FRMD6: variants seen among roughly 807,000 people sequenced by gnomAD.
FRMD6 encodes the protein FERM domain-containing protein 6.
In FRMD6, 37 loss-of-function variants were observed where a neutral mutation model predicts 73.2. The observed-to-expected ratio is 0.51, with a 90% CI of 0.39 to 0.66. The LOEUF (loss-of-function observed/expected upper bound fraction) is 0.66. FRMD6 is among the 30% of genes least tolerant of loss of function. The probability of loss-of-function intolerance (pLI) is 0.00; values close to 1 mark genes in which losing one functional copy is unlikely to be tolerated. For missense variants in FRMD6, 714 were observed against 780.5 expected, an observed-to-expected ratio of 0.91 and a Z score of 1.02; for synonymous variants, 273 against 282.2, an observed-to-expected ratio of 0.97 and a Z score of 0.33.
At chr14:51,678,157 A>G (rs952768577) in intron 1 of FRMD6, among the ~76,000 whole-genome samples, 1 of 152,178 alleles carries the variant, frequency 6.6e-6, no homozygotes, top group Non-Finnish European at 1.5e-5. Flanking sequence ...CATTTTATAG[A>G]TACGGAAGCT....
intron 2 of FRMD6, among the ~76,000 whole-genome samples, chr14:51,646,442 G>A (rs1447322437): frequency 6.6e-6 from 1 of 151,652 alleles, no homozygotes; most frequent in Non-Finnish European, 1.5e-5. Flanking sequence ...ATCAGAGCGT[G>A]CCTGAGACAT....
chr14:51,620,497 A>G (rs1204311257), intron 2 of FRMD6, among the ~76,000 whole-genome samples: 3 of 152,040 alleles, frequency 2.0e-5, no homozygotes, highest in Non-Finnish European at 4.4e-5. Context: ...GTGGAAAAGG[A>G]TAAATGGGCC....
chr14:51,494,277 A>T (rs560859877), intron 1 of FRMD6, among the ~76,000 whole-genome samples: 4 of 152,316 alleles, frequency 2.6e-5, no homozygotes, highest in African/African-American at 9.6e-5. Flanking sequence ...GAGATTTAAG[A>T]TATGATTCAT....
chr14:51,518,369 G>T (rs1047959845), intron 1 of FRMD6, among the ~76,000 whole-genome samples: 3 of 152,124 alleles, frequency 2.0e-5, no homozygotes, highest in African/African-American at 7.2e-5. Context: ...TTCTCTAAGG[G>T]CAGCGAAAAA....
At chr14:51,638,632 G>A (rs1163962183) in intron 2 of FRMD6, among the ~76,000 whole-genome samples, 3 of 152,176 alleles carry the variant, frequency 2.0e-5, no homozygotes, top group Non-Finnish European at 4.4e-5. Flanking sequence ...CCTTTATACT[G>A]AGTGTATGGC....
chr14:51,531,990 A>G (rs983759690), intron 1 of FRMD6, among the ~76,000 whole-genome samples: 1 of 152,206 alleles, frequency 6.6e-6, no homozygotes, highest in African/African-American at 2.4e-5. Flanking sequence ...CTTCTTTTCC[A>G]GGGAGTCAGT....
At chr14:51,661,297 A>G (rs547959708) in intron 1 of FRMD6, among the ~76,000 whole-genome samples, 2 of 152,294 alleles carry the variant, frequency 1.3e-5, no homozygotes, top group South Asian at 4.1e-4. Context: ...TTGTAGAGAG[A>G]AGAAGAAATC....
At chr14:51,419,544 T>C in the FRMD6 span, among the ~76,000 whole-genome samples, 6 of 152,206 alleles carry the variant, frequency 3.9e-5, no homozygotes, top group Non-Finnish European at 8.8e-5. Flanking sequence ...TAGCTTTTCC[T>C]CTTGTAACAA....
chr14:51,404,141 T>C, the FRMD6 span, among the ~76,000 whole-genome samples: 1 of 152,198 alleles, frequency 6.6e-6, no homozygotes. Context: ...TACTATTGCA[T>C]TGTAGTTTTA....
intron 1 of FRMD6, among the ~76,000 whole-genome samples, chr14:51,557,694 T>C (rs1887223863): frequency 6.6e-6 from 1 of 152,092 alleles, no homozygotes. Context: ...AATAAATATG[T>C]GAGGTAATAG....
intron 1 of FRMD6, among the ~76,000 whole-genome samples, chr14:51,505,581 T>C (rs1883912887): frequency 6.6e-6 from 1 of 152,170 alleles, no homozygotes; most frequent in African/African-American, 2.4e-5. Flanking sequence ...CTCCTACATC[T>C]GTATTCACAG....
intron 1 of FRMD6, among the ~76,000 whole-genome samples, chr14:51,554,117 T>C (rs1430427826): frequency 1.3e-5 from 2 of 151,848 alleles, no homozygotes; most frequent in African/African-American, 4.8e-5. Context: ...AAACTTACAA[T>C]GATGAGACTA....
At chr14:51,438,261 A>C in the FRMD6 span, among the ~76,000 whole-genome samples, 1 of 152,206 alleles carries the variant, frequency 6.6e-6, no homozygotes, top group East Asian at 1.9e-4. Context: ...CCTGCCACTC[A>C]ATGGGAGAAT....
intron 2 of FRMD6, among the ~76,000 whole-genome samples, chr14:51,636,654 T>G (rs1397051698): frequency 6.6e-6 from 1 of 152,146 alleles, no homozygotes; most frequent in East Asian, 1.9e-4. Flanking sequence ...AGGTTAAATT[T>G]GATGATAAAG....
intron 1 of FRMD6, among the ~76,000 whole-genome samples, chr14:51,495,208 A>G (rs568636577): frequency 5.9e-5 from 9 of 152,294 alleles, no homozygotes; most frequent in Admixed American, 1.3e-4. Context: ...CCTTTCTTCC[A>G]TTGTTTAATA....
rs1182371042 is a variant in FRMD6 at position 51,710,365 on chromosome 14, AAAAC to A, written c.715-1165_715-1162del. Among the ~76,000 whole-genome samples, 4 of 152,274 alleles carry A rather than the reference AAAAC, an allele frequency of 2.6e-5. No individual in the cohort carries two copies. The East Asian group carries it at 7.7e-4, about 29-fold the overall frequency. ...AAGGACAAGGGAACATTCTGGAAAA[AAAAC>A]CCGTTTTGTGCCCCTTTCCCACCAA... On this transcript the variant is annotated intron_variant, in intron 7 of 13. Transcript: ENST00000344768.
chr14:51,556,250 A>T (rs1246812792), intron 1 of FRMD6, among the ~76,000 whole-genome samples: 1 of 152,232 alleles, frequency 6.6e-6, no homozygotes, highest in African/African-American at 2.4e-5. Flanking sequence ...CAATGGTAAA[A>T]TCAGACACTT....
At chr14:51,650,659 T>G (rs977019088), upstream of FRMD6, 1 of 151,640 alleles carries the variant, frequency 6.6e-6, no homozygotes, top group African/African-American at 2.4e-5. Flanking sequence ...CCTCCCAAAG[T>G]GCTGGGATTA....
chr14:51,462,361 G>C, the FRMD6 span, among the ~76,000 whole-genome samples: 2 of 152,126 alleles, frequency 1.3e-5, no homozygotes, highest in African/African-American at 4.8e-5. Flanking sequence ...TGCTGTGTAC[G>C]TGGTAAGAAA....
Sources: allele counts gnomAD v4.1 joint callset (sites outside exome capture counted in the v4.1 genomes callset), GRCh38; gene constraint gnomAD v4.1.1; transcripts MANE v1.5; gene names NCBI Gene and HGNC (gene_info 2026-07-23, HGNC 2026-07-21).